Variants in AP2B1 observed in about 807,000 individuals in gnomAD.
The protein encoded by AP2B1 is AP-2 complex subunit beta.
In AP2B1, 23 loss-of-function variants were observed where a neutral mutation model predicts 102.0. That is an observed-to-expected ratio of 0.23 (90% CI 0.16 to 0.32). AP2B1 has a LOEUF of 0.32. Among genes scored for constraint, AP2B1 ranks in the 10% least tolerant of loss-of-function variants. The pLI is 1.00. For missense variants in AP2B1, 541 were observed against 1,157.4 expected (o/e 0.47, Z 7.73); for synonymous variants, 381 against 421.2 (o/e 0.90, Z 1.17).
At chr17:35,602,872 CTATT>C (rs1301662432) in intron 3 of AP2B1, among the ~76,000 whole-genome samples, 2 of 151,468 alleles carry the variant, frequency 1.3e-5, no homozygotes. Flanking sequence ...TAGAATTAAA[CTATT>C]TAGGATCTTG....
At chr17:35,607,590 T>C (rs1381728276) in intron 4 of AP2B1, among the ~76,000 whole-genome samples, 2 of 152,224 alleles carry the variant, frequency 1.3e-5, no homozygotes, top group Admixed American at 6.5e-5. Context: ...TAAAAGAGAA[T>C]GTATGTTAGC....
chr17:35,594,383 C>A (rs188970674), intron 2 of AP2B1, among the ~76,000 whole-genome samples: 7 of 152,254 alleles, frequency 4.6e-5, no homozygotes, highest in Non-Finnish European at 5.9e-5. Flanking sequence ...TACTTTTTCC[C>A]TTTTATTAAA....
intron 18 of AP2B1, among the ~76,000 whole-genome samples, chr17:35,701,492 T>TAATCTTG (rs1303410514): frequency 1.3e-5 from 2 of 152,260 alleles, no homozygotes; most frequent in Non-Finnish European, 2.9e-5. Flanking sequence ...CTTCATATTA[T>TAATCTTG]ACCCCTAATC....
chr17:35,607,437 G>A (rs1228849183), intron 4 of AP2B1, among the ~76,000 whole-genome samples: 1 of 152,150 alleles, frequency 6.6e-6, no homozygotes, highest in Non-Finnish European at 1.5e-5. Context: ...ATATATCATT[G>A]GGAAGAATTT....
intron 20 of AP2B1, among the ~76,000 whole-genome samples, chr17:35,711,659 G>T (rs1339219722): frequency 1.3e-5 from 2 of 152,162 alleles, no homozygotes; most frequent in African/African-American, 2.4e-5. Flanking sequence ...TTTTAATAGA[G>T]ACGGGGTTTC....
chr17:35,606,566 T>G (rs2073682825), intron 4 of AP2B1, among the ~76,000 whole-genome samples: 1 of 152,010 alleles, frequency 6.6e-6, no homozygotes, highest in South Asian at 2.1e-4. Flanking sequence ...ATGGAAAATT[T>G]TAAACATATT....
intron 18 of AP2B1, among the ~76,000 whole-genome samples, chr17:35,707,923 A>G (rs967026030): frequency 1.3e-5 from 2 of 152,260 alleles, no homozygotes; most frequent in Non-Finnish European, 2.9e-5. Context: ...GGTTAAAAGC[A>G]AGGAGAATAA....
intron 3 of AP2B1, among the ~76,000 whole-genome samples, chr17:35,602,143 C>G (rs1013947393): frequency 1.2e-4 from 19 of 152,068 alleles, no homozygotes; most frequent in Non-Finnish European, 2.2e-4. Flanking sequence ...AGCACTATAC[C>G]ACTTATCATT....
chr17:35,663,014 C>A (rs1203794264), intron 14 of AP2B1, among the ~76,000 whole-genome samples: 14 of 152,118 alleles, frequency 9.2e-5, no homozygotes, highest in Admixed American at 9.2e-4. Flanking sequence ...CCCACTGTTT[C>A]TTTCAGGTTT....
At chr17:35,623,383 G>A (rs1255075687) in intron 5 of AP2B1, among the ~76,000 whole-genome samples, 1 of 151,996 alleles carries the variant, frequency 6.6e-6, no homozygotes, top group Non-Finnish European at 1.5e-5. Context: ...GGCCAACATG[G>A]CAAAACCCCA....
chr17:35,707,936 G>A (rs1555585629), intron 18 of AP2B1, among the ~76,000 whole-genome samples: 1 of 152,198 alleles, frequency 6.6e-6, no homozygotes, highest in African/African-American at 2.4e-5. Flanking sequence ...GAGAATAATT[G>A]GATGGACACT....
At chr17:35,614,655 T>TA (rs3031833) in intron 5 of AP2B1, among the ~76,000 whole-genome samples, 9,181 of 93,100 alleles carry the variant, frequency 0.099, 574 homozygotes, top group Middle Eastern at 0.17. Context: ...GTTGAATTAG[T>TA]AAAAAAAAAA....
chr17:35,687,321 T>C, intron 18 of AP2B1, among the ~76,000 whole-genome samples: 1 of 151,912 alleles, frequency 6.6e-6, no homozygotes, highest in East Asian at 1.9e-4. Flanking sequence ...GGTCTCTCCA[T>C]GTTGCCTAGG....
At chr17:35,715,303 G>A (rs747650163) in intron 20 of AP2B1, among the ~76,000 whole-genome samples, 8 of 152,228 alleles carry the variant, frequency 5.3e-5, no homozygotes, top group Non-Finnish European at 1.0e-4. Context: ...GAGAATAAGA[G>A]AGAGAGAGAC....
chr17:35,591,171 C>CA (rs35271211), intron 1 of AP2B1, among the ~76,000 whole-genome samples: 1,862 of 68,482 alleles, frequency 0.027, 26 homozygotes, highest in African/African-American at 0.045. Context: ...GATTTTGTCT[C>CA]AAAAAAAAAA....
chr17:35,704,463 A>G (rs2076300208), intron 18 of AP2B1, among the ~76,000 whole-genome samples: 1 of 152,186 alleles, frequency 6.6e-6, no homozygotes, highest in African/African-American at 2.4e-5. Context: ...TATTTGTTCA[A>G]CATCTTCCAC....
intron 18 of AP2B1, among the ~76,000 whole-genome samples, chr17:35,686,529 T>C (rs150699542): frequency 4.3e-4 from 66 of 152,324 alleles, no homozygotes; most frequent in African/African-American, 1.5e-3. Context: ...GGTCTTTATG[T>C]AGATGCTGCA....
chr17:35,697,522 A>C (rs16971435), intron 18 of AP2B1, among the ~76,000 whole-genome samples: 1,882 of 152,316 alleles, frequency 0.012, 46 homozygotes, highest in African/African-American at 0.044. Flanking sequence ...TGCTCTTACA[A>C]GTGTTTTGGA....
At chr17:35,661,756 T>G (rs1014194460) in intron 14 of AP2B1, among the ~76,000 whole-genome samples, 1 of 152,234 alleles carries the variant, frequency 6.6e-6, no homozygotes, top group African/African-American at 2.4e-5. Context: ...GAAGATATTT[T>G]TATTCTTCCT....
Sources: gnomAD v4.1 joint callset for allele counts (sites outside exome capture counted in the v4.1 genomes callset) on GRCh38, gnomAD v4.1.1 for gene constraint, MANE v1.5 for transcripts, NCBI Gene and HGNC (gene_info 2026-07-23, HGNC 2026-07-21) for gene names.